Variants in TENM2 observed in about 807,000 individuals in gnomAD.
The protein encoded by TENM2 is teneurin transmembrane protein 2.
A neutral mutation model predicts 245.2 loss-of-function variants in TENM2; 52 were observed. That is an observed-to-expected ratio of 0.21 (90% CI 0.17 to 0.27). TENM2 has a LOEUF of 0.27. Ranked by LOEUF, TENM2 falls within the 10% of genes least tolerant of loss-of-function variation. TENM2 has a pLI of 1.00. For missense variants in TENM2, 3,046 were observed against 3,666.8 expected (o/e 0.83, Z 4.37); for synonymous variants, 1,363 against 1,438.9 (o/e 0.95, Z 1.19).
intron 2 of TENM2, among the ~76,000 whole-genome samples, chr5:167,429,758 C>T (rs1225096206): frequency 1.3e-5 from 2 of 152,082 alleles, no homozygotes; most frequent in East Asian, 3.9e-4. Context: ...AGGTGTCCAC[C>T]ACCATGTCCG....
intron 3 of TENM2, among the ~76,000 whole-genome samples, chr5:167,942,728 A>G (rs747359351): frequency 1.1e-4 from 16 of 152,162 alleles, no homozygotes; most frequent in East Asian, 1.9e-4. Flanking sequence ...CATTCATGCA[A>G]CATCATAAGA....
chr5:167,734,545 G>A (rs1760668707), intron 2 of TENM2, among the ~76,000 whole-genome samples: 1 of 150,446 alleles, frequency 6.6e-6, no homozygotes, highest in Admixed American at 6.7e-5. Flanking sequence ...CAACAAGGCT[G>A]GTTAAAGCAA....
At chr5:167,232,815 A>T in the TENM2 span, among the ~76,000 whole-genome samples, 1 of 152,268 alleles carries the variant, frequency 6.6e-6, no homozygotes, top group African/African-American at 2.4e-5. Flanking sequence ...GCTCTATGTC[A>T]GGTTACAACA....
intron 3 of TENM2, among the ~76,000 whole-genome samples, chr5:167,928,290 A>G (rs1163237245): frequency 6.6e-6 from 1 of 152,158 alleles, no homozygotes; most frequent in Non-Finnish European, 1.5e-5. Flanking sequence ...TTATATTCTC[A>G]AGGCCCTCAA....
At chr5:167,331,165 G>A (rs887757838) in intron 1 of TENM2, among the ~76,000 whole-genome samples, 1 of 149,616 alleles carries the variant, frequency 6.7e-6, no homozygotes, top group African/African-American at 2.5e-5. Flanking sequence ...GAACACGGGA[G>A]GCAGAGACTG....
chr5:167,685,545 G>GATA (rs1757018030), intron 2 of TENM2, among the ~76,000 whole-genome samples: 1 of 152,092 alleles, frequency 6.6e-6, no homozygotes. Flanking sequence ...GGTTGATACT[G>GATA]CTGGTTCATT....
intron 28 of TENM2, among the ~76,000 whole-genome samples, chr5:168,261,580 C>T (rs945093144): frequency 6.6e-6 from 1 of 152,214 alleles, no homozygotes; most frequent in Admixed American, 6.5e-5. Context: ...AGTCATTGGC[C>T]TCCAGGAAAT....
intron 9 of TENM2, among the ~76,000 whole-genome samples, chr5:168,105,039 C>A (rs1014949434): frequency 2.0e-5 from 3 of 152,112 alleles, no homozygotes; most frequent in Non-Finnish European, 2.9e-5. Flanking sequence ...GTCCAAAATA[C>A]TGTGATACGG....
At chr5:168,111,771 C>A (rs776539499) in intron 9 of TENM2, among the ~76,000 whole-genome samples, 1 of 152,126 alleles carries the variant, frequency 6.6e-6, no homozygotes, top group Admixed American at 6.5e-5. Context: ...GTGTAAGCAG[C>A]CTTATTTTTT....
At chr5:167,720,187 C>A (rs1759534703) in intron 2 of TENM2, among the ~76,000 whole-genome samples, 1 of 151,940 alleles carries the variant, frequency 6.6e-6, no homozygotes, top group African/African-American at 2.4e-5. Context: ...AAACACTGAT[C>A]TAGTATTTCA....
At chr5:167,174,317 T>C in the TENM2 span, among the ~76,000 whole-genome samples, 1 of 152,198 alleles carries the variant, frequency 6.6e-6, no homozygotes, top group Admixed American at 6.5e-5. Context: ...TATGTAGGCA[T>C]GAAGATTTAA....
chr5:167,649,742 T>C (rs1754316847), intron 2 of TENM2, among the ~76,000 whole-genome samples: 1 of 152,146 alleles, frequency 6.6e-6, no homozygotes, highest in Admixed American at 6.5e-5. Context: ...GTGCTAACAA[T>C]GTATTAGGTA....
chr5:167,070,304 T>G, the TENM2 span, among the ~76,000 whole-genome samples: 1 of 139,980 alleles, frequency 7.1e-6, no homozygotes, highest in Non-Finnish European at 1.5e-5. Context: ...TTTTTTTTTG[T>G]ATTTTTAGTA....
intron 2 of TENM2, among the ~76,000 whole-genome samples, chr5:167,831,444 AC>A (rs1223844777): frequency 6.7e-6 from 1 of 148,672 alleles, no homozygotes; most frequent in Non-Finnish European, 1.5e-5. Context: ...AAAGAAGACG[AC>A]CACCAAGCAA....
At chr5:167,762,475 A>G (rs906112915) in intron 2 of TENM2, among the ~76,000 whole-genome samples, 5 of 152,090 alleles carry the variant, frequency 3.3e-5, no homozygotes, top group South Asian at 2.1e-4. Flanking sequence ...ATTTTCGTCT[A>G]TTTCTCTTGC....
intron 2 of TENM2, among the ~76,000 whole-genome samples, chr5:167,829,552 T>G (rs1768286238): frequency 6.6e-6 from 1 of 152,232 alleles, no homozygotes; most frequent in South Asian, 2.1e-4. Flanking sequence ...GAAGCCCTGG[T>G]AGCATAGAAC....
chr5:167,874,362 T>A (rs1773242278), intron 2 of TENM2, among the ~76,000 whole-genome samples: 1 of 152,196 alleles, frequency 6.6e-6, no homozygotes, highest in South Asian at 2.1e-4. Context: ...TAAATAGCAT[T>A]AAATTCACTG....
At chr5:167,851,744 CTT>C (rs1770600224) in intron 2 of TENM2, among the ~76,000 whole-genome samples, 1 of 152,164 alleles carries the variant, frequency 6.6e-6, no homozygotes, top group African/African-American at 2.4e-5. Flanking sequence ...CCGCAGCTCT[CTT>C]GTTTGGGAGG....
intron 3 of TENM2, among the ~76,000 whole-genome samples, chr5:167,925,626 A>G (rs894031579): frequency 6.6e-6 from 1 of 152,234 alleles, no homozygotes; most frequent in African/African-American, 2.4e-5. Flanking sequence ...AGGACTATAA[A>G]TCATTTTATC....
Sources: allele counts gnomAD v4.1 joint callset (sites outside exome capture counted in the v4.1 genomes callset), GRCh38; gene constraint gnomAD v4.1.1; transcripts MANE v1.5; gene names NCBI Gene and HGNC (gene_info 2026-07-23, HGNC 2026-07-21).